DYM: variants seen among roughly 807,000 people sequenced by gnomAD.
DYM encodes the protein dyggve-Melchior-Clausen syndrome protein.
DYM carries 78 observed loss-of-function variants against 93.1 expected under a neutral mutation model. The ratio of observed to expected loss-of-function variants is 0.84; its 90% CI spans 0.70 to 1.01. DYM has a LOEUF of 1.01. DYM is among the 50% of genes least tolerant of loss of function. The pLI, the probability that DYM is intolerant of heterozygous loss-of-function variation, is 0.00. For synonymous variants in DYM, 321 were observed against 319.7 expected, an observed-to-expected ratio of 1.00 and a Z score of -0.04; for missense variants, 789 against 845.0, an observed-to-expected ratio of 0.93 and a Z score of 0.82.
intron 15 of DYM, among the ~76,000 whole-genome samples, chr18:49,136,218 T>G (rs1012050481): frequency 1.3e-5 from 2 of 152,204 alleles, no homozygotes; most frequent in African/African-American, 4.8e-5. Context: ...AGTTTGAAAG[T>G]CCTTAGAGTG....
At chr18:49,044,622 G>C (rs573504032) in intron 17 of DYM, among the ~76,000 whole-genome samples, 1 of 152,366 alleles carries the variant, frequency 6.6e-6, no homozygotes, top group South Asian at 2.1e-4. Flanking sequence ...CATTCTGGAG[G>C]TGAGGACCTT....
chr18:49,360,505 C>G (rs2065927405), intron 6 of DYM, among the ~76,000 whole-genome samples: 1 of 151,894 alleles, frequency 6.6e-6, no homozygotes, highest in Admixed American at 6.6e-5. Context: ...GTCTGTAATC[C>G]CAGCTACTCA....
chr18:49,161,040 T>C (rs1189748722), intron 15 of DYM, among the ~76,000 whole-genome samples: 2 of 151,830 alleles, frequency 1.3e-5, no homozygotes, highest in Admixed American at 1.3e-4. Context: ...CATAAACCCA[T>C]TTGGAAAATG....
At chr18:49,292,598 A>C (rs1324737545) in intron 8 of DYM, among the ~76,000 whole-genome samples, 8 of 32,578 alleles carry the variant, frequency 2.5e-4, no homozygotes, top group African/African-American at 6.6e-4. Context: ...GTTGGAAAAA[A>C]AAAAAAAAAA....
intron 2 of DYM, among the ~76,000 whole-genome samples, chr18:49,417,667 CA>C (rs967498957): frequency 3.3e-5 from 5 of 151,808 alleles, no homozygotes; most frequent in Non-Finnish European, 7.4e-5. Flanking sequence ...TATTATTTAT[CA>C]AAAAAAGAGA....
intron 17 of DYM, among the ~76,000 whole-genome samples, chr18:49,076,915 A>C (rs1014320679): frequency 1.2e-4 from 19 of 152,300 alleles, no homozygotes; most frequent in Admixed American, 3.3e-4. Flanking sequence ...TTTTTCCAAA[A>C]AACCTGGACT....
intron 15 of DYM, among the ~76,000 whole-genome samples, chr18:49,163,233 A>G (rs1422128391): frequency 6.6e-6 from 1 of 152,054 alleles, no homozygotes; most frequent in Non-Finnish European, 1.5e-5. Context: ...TTGAGACATC[A>G]TTCTTCTATT....
intron 11 of DYM, among the ~76,000 whole-genome samples, chr18:49,261,578 G>C (rs765470999): frequency 6.6e-6 from 1 of 152,032 alleles, no homozygotes; most frequent in Non-Finnish European, 1.5e-5. Flanking sequence ...CAGGAGAATC[G>C]CTTGAACTAG....
intron 3 of DYM, among the ~76,000 whole-genome samples, chr18:49,388,366 A>G (rs1346797827): frequency 2.6e-5 from 4 of 151,986 alleles, no homozygotes; most frequent in Admixed American, 2.6e-4. Flanking sequence ...AAAACATTAG[A>G]AACTAAAGAT....
intron 13 of DYM, among the ~76,000 whole-genome samples, chr18:49,244,004 A>AT (rs1297900763): frequency 1.3e-5 from 2 of 151,728 alleles, no homozygotes; most frequent in Non-Finnish European, 2.9e-5. Flanking sequence ...CACATTTTAG[A>AT]TTTTTTTTTA....
intron 13 of DYM, among the ~76,000 whole-genome samples, chr18:49,238,402 T>C (rs1042522731): frequency 2.0e-5 from 3 of 152,038 alleles, no homozygotes; most frequent in Non-Finnish European, 4.4e-5. Flanking sequence ...GCAATGGATC[T>C]GGCTTGAATT....
intron 14 of DYM, among the ~76,000 whole-genome samples, chr18:49,197,636 T>A (rs1478997068): frequency 1.3e-5 from 2 of 152,098 alleles, no homozygotes; most frequent in African/African-American, 4.8e-5. Flanking sequence ...CACAATTGCT[T>A]CAAAGAGAGT....
chr18:49,386,040 G>C (rs577371531), intron 3 of DYM, among the ~76,000 whole-genome samples: 1 of 151,952 alleles, frequency 6.6e-6, no homozygotes, highest in Non-Finnish European at 1.5e-5. Context: ...TCTAACTCTC[G>C]GCCTCAAGCA....
intron 15 of DYM, among the ~76,000 whole-genome samples, chr18:49,154,471 T>C (rs759400228): frequency 1.3e-5 from 2 of 152,114 alleles, no homozygotes; most frequent in Non-Finnish European, 2.9e-5. Context: ...CTCAGCTCAC[T>C]GCAACCTCCG....
chr18:49,153,061 T>C (rs1289021433), intron 15 of DYM, among the ~76,000 whole-genome samples: 1 of 152,186 alleles, frequency 6.6e-6, no homozygotes, highest in African/African-American at 2.4e-5. Context: ...TAGTTAATAA[T>C]ACTGTATTGT....
chr18:49,408,912 A>C (rs2071847875), intron 2 of DYM, among the ~76,000 whole-genome samples: 1 of 152,226 alleles, frequency 6.6e-6, no homozygotes, highest in African/African-American at 2.4e-5. Flanking sequence ...GGCATAACAA[A>C]CGGCTCTGGC....
intron 15 of DYM, among the ~76,000 whole-genome samples, chr18:49,152,817 G>A (rs535905243): frequency 6.6e-6 from 1 of 152,258 alleles, no homozygotes; most frequent in African/African-American, 2.4e-5. Context: ...TATCATTTGC[G>A]ACAACATGGA....
rs114957437 is a variant in DYM at position 49,224,997 on chromosome 18, C to T, written c.1461-15282G>A. On this transcript the variant is annotated intron_variant, in intron 13 of 17. Transcript: ENST00000675505. ...TGTCAAATACAACTGAAAGGACAAACGAGACAGAAAATGTCCACTGGATTT... is the reference window on the plus strand; with the variant it reads ...TGTCAAATACAACTGAAAGGACAAATGAGACAGAAAATGTCCACTGGATTT... Among the ~76,000 whole-genome samples, 481 of 152,164 alleles carry T rather than the reference C, an allele frequency of 3.2e-3. 4 individuals are homozygous for T. Among genetic ancestry groups the T allele is most frequent in the African/African-American group, 0.011 (443 of 41,528 alleles).
intron 14 of DYM, among the ~76,000 whole-genome samples, chr18:49,186,832 C>G (rs960495870): frequency 1.3e-5 from 2 of 151,758 alleles, no homozygotes; most frequent in Admixed American, 6.6e-5. Flanking sequence ...CCAACCATCA[C>G]TTTCAGAGGA....
Sources: gnomAD v4.1 joint callset for allele counts (sites outside exome capture counted in the v4.1 genomes callset) on GRCh38, gnomAD v4.1.1 for gene constraint, MANE v1.5 for transcripts, NCBI Gene and HGNC (gene_info 2026-07-23, HGNC 2026-07-21) for gene names.